The following FAH variants were observed in gnomAD, a reference collection of about 807,000 sequenced individuals.
The protein encoded by FAH is fumarylacetoacetate hydrolase.
Under a neutral mutation model 55.8 loss-of-function variants are expected in FAH, and 47 were observed. The ratio of observed to expected loss-of-function variants is 0.84; its 90% CI spans 0.67 to 1.07. The LOEUF (loss-of-function observed/expected upper bound fraction) is 1.07. FAH is among the 50% of genes least tolerant of loss of function. FAH has a pLI of 0.00. For synonymous variants in FAH, 199 were observed against 207.7 expected (o/e 0.96, Z 0.36); for missense variants, 495 against 545.9 (o/e 0.91, Z 0.93).
chr15:80,152,985 C>G (rs2041063839), upstream of FAH: 1 of 1,420,064 alleles, frequency 7.0e-7, no homozygotes. Context: ...GGCCTGACCA[C>G]AGCGGCCGAG....
At chr15:80,182,868 T>C (rs1445435666) in intron 13 of FAH, among the ~76,000 whole-genome samples, 1 of 152,082 alleles carries the variant, frequency 6.6e-6, no homozygotes, top group Non-Finnish European at 1.5e-5. Flanking sequence ...TTTTCTGAAG[T>C]TTTGATTTGG....
intron 9 of FAH, chr15:80,173,389 C>T (rs865953786): frequency 1.7e-6 from 1 of 597,024 alleles, no homozygotes; most frequent in Non-Finnish European, 3.0e-6. Flanking sequence ...AATTTTGTAA[C>T]CTTAAGAATC....
intron 6 of FAH, 43 bp downstream of exon 6, chr15:80,168,192 C>T: frequency 6.2e-7 from 1 of 1,610,252 alleles, no homozygotes; most frequent in Non-Finnish European, 8.5e-7. Flanking sequence ...ACCCAGCTCT[C>T]TGTTCCCACA....
chr15:80,172,967 T>C (rs1478061522), intron 8 of FAH, 47 bp from the exon 9 acceptor site: 1 of 1,613,936 alleles, frequency 6.2e-7, no homozygotes, highest in Non-Finnish European at 8.5e-7. Context: ...CGTTGGGAGA[T>C]GCCCTGATCA....
At chr15:80,153,825 G>C (rs925337835) in intron 1 of FAH, among the ~76,000 whole-genome samples, 9 of 152,196 alleles carry the variant, frequency 5.9e-5, no homozygotes, top group African/African-American at 2.2e-4. Flanking sequence ...AGGTTCCCTA[G>C]GTTGGAAAAG....
intron 12 of FAH, among the ~76,000 whole-genome samples, 169 bp from the exon 13 acceptor site, chr15:80,180,873 T>C (rs1293267114): frequency 1.3e-5 from 2 of 152,132 alleles, no homozygotes; most frequent in African/African-American, 4.8e-5. Context: ...CAGAGTTCCA[T>C]GTCTCAAAGG....
chr15:80,186,300 C>T lies in FAH; in HGVS notation c.*91C>T, dbSNP rs2041371053. 2.0e-6 allele frequency: 2 copies of T among 1,020,536 alleles called. No homozygotes were observed. The highest frequency in any genetic ancestry group is 3.5e-5 in the Admixed American group (2 of 56,490). The allele number at this position is 1,020,536 out of a possible 1,614,324, so 63.2% of individuals were successfully genotyped here. A position where few individuals can be genotyped will look rare whatever the true frequency, so the allele number is the denominator to read the frequency against. The stretch of plus-strand genomic sequence containing the variant: ...TCCCTCGGGCTGTAGGCCTGGTCCG[C>T]CATTCAGTGACAAATAAAGCCATTG... On this transcript the variant is annotated 3_prime_UTR_variant, in exon 14 of 14. Transcript: ENST00000561421.
chr15:80,183,253 A>G (rs1249324179), intron 13 of FAH, among the ~76,000 whole-genome samples: 1 of 152,238 alleles, frequency 6.6e-6, no homozygotes, highest in African/African-American at 2.4e-5. Context: ...CCTGGAACCA[A>G]GAAAGAAGAA....
intron 5 of FAH, among the ~76,000 whole-genome samples, chr15:80,164,410 T>A (rs534262122): frequency 6.6e-6 from 1 of 152,292 alleles, no homozygotes; most frequent in South Asian, 2.1e-4. Flanking sequence ...AGGGACAGTA[T>A]CCCTATCTCA....
intron 13 of FAH, among the ~76,000 whole-genome samples, chr15:80,185,467 A>T (rs1469979526): frequency 6.6e-6 from 1 of 152,234 alleles, no homozygotes; most frequent in African/African-American, 2.4e-5. Flanking sequence ...CAGAGCGAGG[A>T]TTTGAACCCA....
intron 9 of FAH, 115 bp downstream of exon 9, chr15:80,173,259 C>A: frequency 7.3e-7 from 1 of 1,374,094 alleles, no homozygotes; most frequent in South Asian, 1.2e-5. Context: ...GCTCTGTGCC[C>A]ACGGCATGCC....
At position 80,162,320 on chromosome 15, in the gene FAH, G is replaced by A. The variant is rs1472576096; in HGVS notation, c.439G>A (p.Ala147Thr). 1.2e-6 allele frequency: 2 copies of A among 1,614,038 alleles called. No individual in the cohort carries two copies. The highest frequency in any genetic ancestry group is 1.1e-5 in the South Asian group (1 of 91,072). ...AATCATGTTCAGGGACAAGGAGAAT[G>A]CGTTGATGCCAAATTGGTATGAACT... ...VGIMFRDKEN[A>T]LMPNWLHLPV... Residue 147 changes from alanine (A) to threonine (T), a missense_variant, in exon 5 of 14, where the codon GCG becomes ACG. Physicochemically the swap from Ala to Thr is moderately conservative, Grantham distance 58. Transcript: ENST00000561421.
intron 10 of FAH, 115 bp downstream of exon 10, chr15:80,175,206 GA>G: frequency 1.1e-6 from 1 of 925,818 alleles, no homozygotes; most frequent in Non-Finnish European, 1.8e-6. Context: ...TACAGCCCTG[GA>G]GATGTGTGTG....
intron 5 of FAH, among the ~76,000 whole-genome samples, chr15:80,166,667 TGCTCTGTC>T (rs2142096885): frequency 6.7e-6 from 1 of 149,568 alleles, no homozygotes; most frequent in Admixed American, 6.7e-5. Context: ...GACAGAGTCT[TGCTCTGTC>T]GCCATGGCTA....
intron 4 of FAH, among the ~76,000 whole-genome samples, chr15:80,161,100 T>C (rs1482486744): frequency 6.6e-6 from 1 of 152,164 alleles, no homozygotes; most frequent in Non-Finnish European, 1.5e-5. Flanking sequence ...CTAAGCTGAC[T>C]GGAGGATGGG....
At chr15:80,183,640 G>A (rs765525138) in intron 13 of FAH, among the ~76,000 whole-genome samples, 4 of 152,172 alleles carry the variant, frequency 2.6e-5, no homozygotes, top group Non-Finnish European at 4.4e-5. Flanking sequence ...GCTCTTCACG[G>A]ATGCTCCTTC....
rs556591344 is a variant in FAH at position 80,180,067 on chromosome 15, C to T, written c.961-57C>T. ...AGGGCAGGCTGTGCCCAGCTGCCTC[C>T]GGGATGCTAGGCTAAGCCTGCCGCT... On this transcript the variant is annotated intron_variant, in intron 11 of 13. Coordinates refer to ENST00000561421, the MANE Select transcript of FAH (RefSeq NM_000137.4). 138 of 1,411,640 alleles carry T rather than the reference C, an allele frequency of 9.8e-5. 1 individual carries two copies. The highest frequency in any genetic ancestry group is 1.8e-4 in the Middle Eastern group (1 of 5,702). 87.4% of individuals were successfully genotyped at this position (1,411,640 alleles called of 1,614,324 possible). A position where few individuals can be genotyped will look rare whatever the true frequency, so the allele number is the denominator to read the frequency against.
intron 11 of FAH, among the ~76,000 whole-genome samples, chr15:80,179,567 C>T (rs1164803894): frequency 6.6e-6 from 1 of 152,134 alleles, no homozygotes; most frequent in East Asian, 1.9e-4. Flanking sequence ...TTGGCCCCCT[C>T]TGCCCACAGC....
intron 2 of FAH, among the ~76,000 whole-genome samples, chr15:80,159,184 G>A (rs2041126004): frequency 6.6e-6 from 1 of 151,706 alleles, no homozygotes; most frequent in Non-Finnish European, 1.5e-5. Context: ...GTTGCAGTGA[G>A]CCGAGATCAC....
Sources: allele counts gnomAD v4.1 joint callset (sites outside exome capture counted in the v4.1 genomes callset), GRCh38; gene constraint gnomAD v4.1.1; transcripts MANE v1.5; gene names NCBI Gene and HGNC (gene_info 2026-07-23, HGNC 2026-07-21).